The following MYO9A variants were observed in gnomAD, a reference collection of about 807,000 sequenced individuals.
The protein encoded by MYO9A is unconventional myosin-IXa.
MYO9A carries 103 observed loss-of-function variants against 293.3 expected under a neutral mutation model. The ratio of observed to expected loss-of-function variants is 0.35; its 90% confidence interval spans 0.30 to 0.41. The LOEUF (loss-of-function observed/expected upper bound fraction) is 0.41. Ranked by LOEUF, MYO9A falls within the 10% of genes least tolerant of loss-of-function variation. MYO9A has a pLI of 1.00. For missense variants in MYO9A, 2,685 were observed against 3,033.0 expected, an observed-to-expected ratio of 0.89 and a Z score of 2.69; for synonymous variants, 1,001 against 1,035.7, an observed-to-expected ratio of 0.97 and a Z score of 0.64.
At chr15:71,976,266 G>A (rs1490504887) in intron 12 of MYO9A, among the ~76,000 whole-genome samples, 1 of 152,120 alleles carries the variant, frequency 6.6e-6, no homozygotes, top group Non-Finnish European at 1.5e-5. Flanking sequence ...GATTACTGTG[G>A]TGTTAGAGTA....
intron 33 of MYO9A, among the ~76,000 whole-genome samples, chr15:71,862,190 A>G (rs762446385): frequency 6.6e-6 from 1 of 152,150 alleles, no homozygotes; most frequent in Non-Finnish European, 1.5e-5. Flanking sequence ...CTGGGGGTAG[A>G]AAAGAGAGCT....
chr15:71,845,165 T>C (rs1335483669), intron 39 of MYO9A, among the ~76,000 whole-genome samples: 2 of 152,166 alleles, frequency 1.3e-5, no homozygotes, highest in African/African-American at 4.8e-5. Context: ...GGAGAGATCC[T>C]TTATCCAAGG....
chr15:72,054,926 G>C (rs1000873566), intron 1 of MYO9A, among the ~76,000 whole-genome samples: 4 of 145,830 alleles, frequency 2.7e-5, no homozygotes, highest in Admixed American at 2.7e-4. Flanking sequence ...TTTACTGAAA[G>C]AATTAAAAAA....
chr15:72,017,593 T>C (rs2077382374), intron 6 of MYO9A, among the ~76,000 whole-genome samples: 1 of 152,180 alleles, frequency 6.6e-6, no homozygotes, highest in Admixed American at 6.5e-5. Context: ...ATGTTAAATC[T>C]AAACTCCAAA....
At chr15:71,992,348 A>T (rs2076565306) in intron 10 of MYO9A, among the ~76,000 whole-genome samples, 3 of 152,204 alleles carry the variant, frequency 2.0e-5, no homozygotes, top group Non-Finnish European at 4.4e-5. Flanking sequence ...CCCATTCTAG[A>T]AATACAGTTG....
Position 71,893,729 on chromosome 15 carries a change from C to T in MYO9A, c.5092G>A (p.Asp1698Asn). The T allele has an allele frequency of 6.2e-7, 1 of 1,613,988 alleles. No individual in the cohort carries two copies. The highest frequency in any genetic ancestry group is 1.3e-5 in the African/African-American group (1 of 75,038). The change falls in exon 26 of 42, where the codon GAT (aspartate) becomes AAT (asparagine). Residue 1698 changes from aspartate (D) to asparagine (N), a missense_variant. Around this residue, in one of 10 missense-constraint regions of MYO9A, gnomAD observed 1,434 missense variants for 1,497.7 expected, o/e 0.96. Transcript: ENST00000356056. Reference protein sequence around the residue: ...NSKNPQLHKEDEPAWKPVKLA... With the variant: ...NSKNPQLHKENEPAWKPVKLA... ...TTCACAGGTTTCCATGCTGGTTCAT[C>T]TTCTTTATGGAGTTGAGGATTTTTA...
At chr15:71,848,424 A>C (rs992091065) in intron 39 of MYO9A, among the ~76,000 whole-genome samples, 4 of 152,296 alleles carry the variant, frequency 2.6e-5, no homozygotes, top group Non-Finnish European at 5.9e-5. Context: ...GATTCCATTT[A>C]AATTCAGTTA....
intron 1 of MYO9A, among the ~76,000 whole-genome samples, chr15:72,070,468 A>G (rs1325800656): frequency 6.6e-6 from 1 of 151,386 alleles, no homozygotes; most frequent in Non-Finnish European, 1.5e-5. Flanking sequence ...AAAAAAAAAA[A>G]GAATGAGGGG....
intron 1 of MYO9A, among the ~76,000 whole-genome samples, chr15:72,082,619 C>G (rs1489086900): frequency 6.6e-6 from 1 of 151,846 alleles, no homozygotes; most frequent in Admixed American, 6.6e-5. Context: ...TGTCTTGTGC[C>G]AGATTAAGAC....
chr15:71,941,713 T>C (rs1263764513), intron 15 of MYO9A, among the ~76,000 whole-genome samples: 3 of 151,942 alleles, frequency 2.0e-5, no homozygotes, highest in Non-Finnish European at 4.4e-5. Flanking sequence ...TTTAGGGACA[T>C]GAGAATCAAA....
chr15:71,862,649 C>T lies in MYO9A; in HGVS notation c.5980-38G>A, dbSNP rs780621322. The stretch of plus-strand genomic sequence containing the variant: ...ATTTAGCTACTTATATTAAAGCCAA[C>T]ACAGTAAATGCTGCCCTAACGTGGT... On this transcript the variant is annotated intron_variant, in intron 32 of 41. Coordinates refer to ENST00000356056, the MANE Select transcript of MYO9A (RefSeq NM_006901.4). 7 of 1,373,488 alleles carry T rather than the reference C, an allele frequency of 5.1e-6. No homozygotes were observed. The South Asian group carries it at 7.0e-5, about 14-fold the overall frequency. The allele number at this position is 1,373,488 out of a possible 1,614,324, so 85.1% of individuals were successfully genotyped here. A position where few individuals can be genotyped will look rare whatever the true frequency, so the allele number is the denominator to read the frequency against.
intron 19 of MYO9A, 31 bp downstream of exon 19, chr15:71,916,339 C>T: frequency 6.3e-7 from 1 of 1,599,158 alleles, no homozygotes; most frequent in South Asian, 1.1e-5. Context: ...GATACAGATT[C>T]TTATTTGTTT....
intron 18 of MYO9A, among the ~76,000 whole-genome samples, chr15:71,931,824 T>G (rs974250375): frequency 6.6e-6 from 1 of 152,224 alleles, no homozygotes; most frequent in Non-Finnish European, 1.5e-5. Flanking sequence ...TCTCCCAATC[T>G]TGTTTAGTGT....
chr15:72,040,794 A>G (rs904870001), intron 2 of MYO9A, among the ~76,000 whole-genome samples: 1 of 152,198 alleles, frequency 6.6e-6, no homozygotes, highest in African/African-American at 2.4e-5. Context: ...AATAAGTCAC[A>G]AAAAAAGAAA....
Position 72,082,763 on chromosome 15 carries a change from C to A in MYO9A, c.-72+34917G>T, listed in dbSNP as rs1041550292. ...AAGGCTGTTGAATTTTATCAAAATTCTTTTCTGCATCTATTGATATAATCA... is the reference window on the plus strand; with the variant it reads ...AAGGCTGTTGAATTTTATCAAAATTATTTTCTGCATCTATTGATATAATCA... On this transcript the variant is annotated intron_variant, in intron 1 of 41. Coordinates refer to ENST00000356056, the MANE Select transcript of MYO9A (RefSeq NM_006901.4). Among the ~76,000 whole-genome samples, 18 of 151,516 alleles carry A rather than the reference C, an allele frequency of 1.2e-4. 1 individual carries two copies. Among genetic ancestry groups the A allele is most frequent in the African/African-American group, 4.1e-4 (17 of 41,146 alleles).
chr15:72,005,574 T>C (rs1379716423), intron 8 of MYO9A, among the ~76,000 whole-genome samples: 1 of 152,202 alleles, frequency 6.6e-6, no homozygotes, highest in Non-Finnish European at 1.5e-5. Context: ...ACACTCCATC[T>C]CCTGGTAGAA....
chr15:72,070,214 G>T (rs1392995004), intron 1 of MYO9A, among the ~76,000 whole-genome samples: 1 of 151,588 alleles, frequency 6.6e-6, no homozygotes, highest in East Asian at 1.9e-4. Context: ...GGCCGAGGCA[G>T]ATGGATCACC....
chr15:71,848,744 T>C (rs1347274727), intron 39 of MYO9A, 101 bp downstream of exon 39: 9 of 1,356,396 alleles, frequency 6.6e-6, no homozygotes, highest in East Asian at 5.0e-5. Context: ...TTGTTTTTTA[T>C]AAAAAAGATT....
At chr15:72,114,991 G>A (rs1245916370) in intron 1 of MYO9A, among the ~76,000 whole-genome samples, 1 of 151,914 alleles carries the variant, frequency 6.6e-6, no homozygotes, top group Admixed American at 6.6e-5. Context: ...AGTTTATATC[G>A]CTAACTTCTA....
Sources: gnomAD v4.1 joint callset for allele counts (sites outside exome capture counted in the v4.1 genomes callset) on GRCh38, gnomAD v4.1.1 for gene constraint, gnomAD v4.1.1 regional missense constraint, MANE v1.5 for transcripts, NCBI Gene and HGNC (gene_info 2026-07-23, HGNC 2026-07-21) for gene names.